Variants in TUSC3 observed in about 807,000 individuals in gnomAD.
TUSC3 encodes tumor suppressor candidate 3.
In TUSC3, 45 loss-of-function variants were observed where a neutral mutation model predicts 44.8. That is an observed-to-expected ratio of 1.00 (90% CI 0.79 to 1.29). The LOEUF (loss-of-function observed/expected upper bound fraction) is 1.29, where lower values mean the gene tolerates loss of function less well. TUSC3 is among the 50% of genes most tolerant of loss of function. The probability of loss-of-function intolerance (pLI) is 0.00; values close to 1 mark genes in which losing one functional copy is unlikely to be tolerated. For synonymous variants in TUSC3, 212 were observed against 152.9 expected, an observed-to-expected ratio of 1.39 and a Z score of -2.85; for missense variants, 519 against 437.9, an observed-to-expected ratio of 1.19 and a Z score of -1.65.
rs200820583 is a variant in TUSC3, at chr8:15,446,768, AT to A, written n.91+29472del. Among the ~76,000 whole-genome samples, 994 of 138,074 alleles carry A rather than the reference AT, an allele frequency of 7.2e-3. 14 individuals are homozygous for A. The highest frequency in any genetic ancestry group is 0.025 in the African/African-American group (925 of 37,270). 90.6% of individuals were successfully genotyped at this position (138,074 alleles called of 152,430 possible). ...GGAGGGGGGAGGGGGAGGGAGAGCT[AT>A]TTTTTTTTAACTCTTTAAGAATAAT... is the stretch of plus-strand genomic sequence containing the variant. On this transcript the variant is annotated intron_variant and non_coding_transcript_variant, in intron 1 of 5. Transcript: ENST00000503191.
chr8:15,711,151 A>G (rs1244749304), intron 6 of TUSC3, among the ~76,000 whole-genome samples: 1 of 151,264 alleles, frequency 6.6e-6, no homozygotes, highest in African/African-American at 2.4e-5. Context: ...TCCTCTCACT[A>G]CCAGCATTTT....
chr8:15,563,615 G>A (rs539654211), intron 1 of TUSC3, among the ~76,000 whole-genome samples: 1 of 147,678 alleles, frequency 6.8e-6, no homozygotes, highest in African/African-American at 2.5e-5. Context: ...GAACCGGGGA[G>A]GCAGAGGATT....
At chr8:15,435,517 A>G (rs536107967) in intron 1 of TUSC3, among the ~76,000 whole-genome samples, 64 of 152,352 alleles carry the variant, frequency 4.2e-4, no homozygotes, top group Non-Finnish European at 5.4e-4. Context: ...AGCATATTAT[A>G]TAAAACAAAA....
Position 15,531,877 on chromosome 8 carries a change from G to C in TUSC3, n.189+48394G>C, listed in dbSNP as rs28528888. Among the ~76,000 whole-genome samples the C allele has an allele frequency of 9.4e-3, 1,426 of 152,220 alleles. 22 individuals are homozygous for C. Among genetic ancestry groups the C allele is most frequent in the African/African-American group, 0.032 (1,348 of 41,544 alleles). ...ACTACTTGGGGAAACTTTGACATTA[G>C]AAAGATGTTCATTTGATAGTTACCA... On this transcript the variant is annotated intron_variant and non_coding_transcript_variant, in intron 2 of 5. Transcript: ENST00000503191.
chr8:15,571,727 A>T (rs919741119), intron 1 of TUSC3, among the ~76,000 whole-genome samples: 2 of 152,126 alleles, frequency 1.3e-5, no homozygotes, highest in African/African-American at 4.8e-5. Context: ...CCATAGTCTG[A>T]CTTTTTGCAA....
rs1395513304 is a variant in TUSC3, at chr8:15,561,702, TGTG to T, written c.138+21138_138+21140del. The T allele has an allele frequency of 2.1e-5, 3 of 144,474 alleles. No individual in the cohort carries two copies. The East Asian group carries it at 6.1e-4, about 29-fold the overall frequency. The allele number at this position is 144,474 out of a possible 1,614,324, so 8.9% of individuals were successfully genotyped here. On this transcript the variant is annotated intron_variant, in intron 1 of 10. Transcript: ENST00000503731. The stretch of plus-strand genomic sequence containing the variant: ...CCGAGCCAGGTGCGGGATATAATCT[TGTG>T]GTGCGCCGTTTTTTAAGCCCGTCGG...
chr8:15,427,629 T>C (rs1346120376), intron 1 of TUSC3, among the ~76,000 whole-genome samples: 1 of 152,136 alleles, frequency 6.6e-6, no homozygotes, highest in Non-Finnish European at 1.5e-5. Context: ...TGTAAAGATT[T>C]TTAATAAACT....
intron 6 of TUSC3, among the ~76,000 whole-genome samples, chr8:15,718,792 C>G (rs1467406381): frequency 6.6e-6 from 1 of 151,998 alleles, no homozygotes; most frequent in African/African-American, 2.4e-5. Context: ...TACAAATACT[C>G]AAATATGTGT....
chr8:15,663,319 T>C (rs1807510351), intron 5 of TUSC3, among the ~76,000 whole-genome samples: 1 of 151,814 alleles, frequency 6.6e-6, no homozygotes, highest in African/African-American at 2.4e-5. Context: ...AATGTTATTA[T>C]ATTAAAGATA....
the TUSC3 span, among the ~76,000 whole-genome samples, chr8:15,787,920 G>C: frequency 6.6e-6 from 1 of 152,098 alleles, no homozygotes; most frequent in Non-Finnish European, 1.5e-5. Context: ...AGATGAATGA[G>C]GTTATGTAGT....
chr8:15,719,261 A>G (rs961445244), intron 6 of TUSC3, among the ~76,000 whole-genome samples: 1 of 151,900 alleles, frequency 6.6e-6, no homozygotes, highest in African/African-American at 2.4e-5. Flanking sequence ...TAAGGCCTTC[A>G]TGCTGGCCAT....
At chr8:15,745,400 G>C (rs1237202983) in intron 8 of TUSC3, among the ~76,000 whole-genome samples, 4 of 152,054 alleles carry the variant, frequency 2.6e-5, no homozygotes, top group Non-Finnish European at 5.9e-5. Flanking sequence ...TTCCACAGTA[G>C]CTGCTCTAAT....
At chr8:15,848,650 A>T in the TUSC3 span, among the ~76,000 whole-genome samples, 9 of 152,192 alleles carry the variant, frequency 5.9e-5, no homozygotes, top group African/African-American at 2.2e-4. Context: ...ACTCAGACAA[A>T]GTGGTAACCA....
intron 1 of TUSC3, among the ~76,000 whole-genome samples, chr8:15,461,755 GAAAAA>G (rs148240096): frequency 6.9e-6 from 1 of 145,330 alleles, no homozygotes; most frequent in African/African-American, 2.5e-5. Flanking sequence ...GAAAAAAAAA[GAAAAA>G]AAAGAAAAAA....
intron 3 of TUSC3, among the ~76,000 whole-genome samples, chr8:15,657,661 A>G (rs1473367900): frequency 1.3e-5 from 2 of 152,082 alleles, no homozygotes; most frequent in Non-Finnish European, 2.9e-5. Context: ...GTTTATGGCA[A>G]TCTAGGCTTT....
At chr8:15,492,602 C>G (rs1309045989) in intron 2 of TUSC3, among the ~76,000 whole-genome samples, 1 of 151,738 alleles carries the variant, frequency 6.6e-6, no homozygotes, top group Non-Finnish European at 1.5e-5. Context: ...ACTTGGTGAC[C>G]ACTCAGATAA....
At chr8:15,815,384 A>G in the TUSC3 span, among the ~76,000 whole-genome samples, 3 of 152,162 alleles carry the variant, frequency 2.0e-5, no homozygotes, top group Non-Finnish European at 4.4e-5. Context: ...GGGGAATATA[A>G]TAAGTGATAT....
At chr8:15,774,280 G>C in the TUSC3 span, among the ~76,000 whole-genome samples, 3 of 152,130 alleles carry the variant, frequency 2.0e-5, no homozygotes, top group African/African-American at 7.2e-5. Flanking sequence ...GAGTACTTCA[G>C]AGTACATCCT....
chr8:15,705,214 A>G (rs1004478851), intron 6 of TUSC3, among the ~76,000 whole-genome samples: 3 of 151,950 alleles, frequency 2.0e-5, no homozygotes, highest in African/African-American at 7.2e-5. Flanking sequence ...CATTGATTTG[A>G]TGATGAAAGG....
Sources: gnomAD v4.1 joint callset for allele counts (sites outside exome capture counted in the v4.1 genomes callset) on GRCh38, gnomAD v4.1.1 for gene constraint, MANE v1.5 for transcripts, NCBI Gene and HGNC (gene_info 2026-07-23, HGNC 2026-07-21) for gene names.